The following RLF variants were observed in gnomAD, a reference collection of about 807,000 sequenced individuals.
RLF encodes the protein zinc finger protein Rlf.
In RLF, 7 loss-of-function variants were observed where a neutral mutation model predicts 162.9. The ratio of observed to expected loss-of-function variants is 0.04; its 90% CI spans 0.02 to 0.08. The LOEUF (loss-of-function observed/expected upper bound fraction) is 0.08, where lower values mean the gene tolerates loss of function less well. Among genes scored for constraint, RLF ranks in the 10% least tolerant of loss-of-function variants. The probability of loss-of-function intolerance (pLI) is 1.00; values close to 1 mark genes in which losing one functional copy is unlikely to be tolerated. For missense variants in RLF, 1,664 were observed against 2,244.7 expected, an observed-to-expected ratio of 0.74 and a Z score of 5.23; for synonymous variants, 782 against 791.5, an observed-to-expected ratio of 0.99 and a Z score of 0.20.
chr1:40,191,050 C>T (rs1642550541), intron 3 of RLF, among the ~76,000 whole-genome samples, 197 bp downstream of exon 3: 1 of 152,202 alleles, frequency 6.6e-6, no homozygotes, highest in African/African-American at 2.4e-5. Flanking sequence ...TTGTTTGCCT[C>T]TACATAGTTA....
At chr1:40,169,584 CCGCAG>C (rs1642212452) in intron 1 of RLF, among the ~76,000 whole-genome samples, 3 of 142,156 alleles carry the variant, frequency 2.1e-5, no homozygotes, top group East Asian at 4.2e-4. Context: ...CCACTGCAGT[CCGCAG>C]TCCAGCCTGG....
intron 1 of RLF, among the ~76,000 whole-genome samples, chr1:40,166,827 G>A (rs1481070799): frequency 1.6e-5 from 2 of 126,854 alleles, no homozygotes; most frequent in African/African-American, 2.9e-5. Flanking sequence ...ACGCAGGGTG[G>A]GGAACATCAC....
intron 1 of RLF, among the ~76,000 whole-genome samples, chr1:40,179,287 T>C (rs1260670405): frequency 6.6e-6 from 1 of 152,226 alleles, no homozygotes; most frequent in Admixed American, 6.5e-5. Flanking sequence ...ATGCCTGTTA[T>C]TTCCCTCTGT....
intron 4 of RLF, among the ~76,000 whole-genome samples, chr1:40,197,583 T>G (rs556127300): frequency 6.6e-6 from 1 of 152,368 alleles, no homozygotes; most frequent in African/African-American, 2.4e-5. Context: ...TAACAGTAAT[T>G]AATCATTTTT....
At chr1:40,178,260 G>A (rs1198730197) in intron 1 of RLF, among the ~76,000 whole-genome samples, 1 of 151,904 alleles carries the variant, frequency 6.6e-6, no homozygotes, top group Non-Finnish European at 1.5e-5. Flanking sequence ...ATTCTATTCT[G>A]TTTCATTGAT....
chr1:40,182,333 C>G (rs1466048575), intron 1 of RLF, among the ~76,000 whole-genome samples: 5 of 152,120 alleles, frequency 3.3e-5, no homozygotes, highest in Non-Finnish European at 7.4e-5. Flanking sequence ...ACTTAGGAGG[C>G]TGAGGCAGGA....
At chr1:40,227,772 G>A (rs1478434087) in intron 6 of RLF, among the ~76,000 whole-genome samples, 1 of 152,052 alleles carries the variant, frequency 6.6e-6, no homozygotes, top group Non-Finnish European at 1.5e-5. Context: ...TGGGAGGCCA[G>A]GGCAGGTGGA....
rs1642732816 is a variant in RLF, at chr1:40,202,618, A to G, written c.810+4A>G. On this transcript the variant is annotated splice_donor_region_variant and intron_variant, in intron 5 of 7. Transcript: ENST00000372771. Reference sequence around the variant, plus strand: ...TAATGAAGATGCTATTAAGGAGGTGAGTAAATAATTGTTGTCATTCAAACT... The same window carrying G: ...TAATGAAGATGCTATTAAGGAGGTGGGTAAATAATTGTTGTCATTCAAACT... 2 of 1,473,740 alleles carry G rather than the reference A, an allele frequency of 1.4e-6. No homozygotes were observed. The highest frequency in any genetic ancestry group is 1.8e-6 in the Non-Finnish European group (2 of 1,102,604). 91.3% of individuals were successfully genotyped at this position (1,473,740 alleles called of 1,614,324 possible).
At position 40,240,542 on chromosome 1, in the gene RLF, G is replaced by A; in HGVS notation, c.*95G>A. 1.2e-6 allele frequency: 1 copy of A among 853,424 alleles called. No individual in the cohort carries two copies. Among genetic ancestry groups the A allele is most frequent in the Non-Finnish European group, 1.9e-6 (1 of 530,900 alleles). 52.9% of individuals were successfully genotyped at this position (853,424 alleles called of 1,614,324 possible). A position where few individuals can be genotyped will look rare whatever the true frequency, so the allele number is the denominator to read the frequency against. On this transcript the variant is annotated 3_prime_UTR_variant, in exon 8 of 8. Transcript: ENST00000372771. ...AAGGCTGAGAAGCAGCCACACCGTT[G>A]TTTAGGGTAGAATAGGCTGTGTATT...
intron 5 of RLF, among the ~76,000 whole-genome samples, chr1:40,215,771 T>C (rs546342921): frequency 6.6e-6 from 1 of 152,058 alleles, no homozygotes; most frequent in African/African-American, 2.4e-5. Context: ...AGATGAATGA[T>C]GAAACACAAC....
rs1173437530 is a variant in RLF, at chr1:40,204,746, A to G, written c.810+2132A>G. Reference sequence around the variant, plus strand: ...CAGCCTATATTTCTTTAGCCCATTCATTCTCCCACTCTTAGATAGTTGCAT... The same window carrying G: ...CAGCCTATATTTCTTTAGCCCATTCGTTCTCCCACTCTTAGATAGTTGCAT... On this transcript the variant is annotated intron_variant, in intron 5 of 7. Transcript: ENST00000372771. Among the ~76,000 whole-genome samples, 4 of 151,838 alleles carry G rather than the reference A, an allele frequency of 2.6e-5. No individual in the cohort carries two copies. The South Asian group carries it at 8.3e-4, about 32-fold the overall frequency.
rs1215557965 is a variant in RLF, at chr1:40,170,285, G to A, written c.237+8649G>A. 3.3e-5 allele frequency among the ~76,000 whole-genome samples: 5 copies of A among 151,664 alleles called. 1 individual carries two copies. The highest frequency in any genetic ancestry group is 3.3e-4 in the Admixed American group (5 of 15,226). On this transcript the variant is annotated intron_variant, in intron 1 of 7. Transcript: ENST00000372771. ...TGGTTTTTTTTTGAGACAGGGTCTT[G>A]CTGTGTCGCTCAGGCTGGAGTGCGG...
rs1427339284 is a variant in RLF at position 40,236,911 on chromosome 1, T to C, written c.2209T>C (p.Cys737Arg). The change falls in exon 8 of 8, where the codon TGT becomes CGT. Residue 737 changes from cysteine to arginine, a missense_variant. Transcript: ENST00000372771. This position sits in a 1 kb window ranked among gnomAD's most constrained non-coding sequence, Gnocchi z 7.7. ...FHLREHEQVH[C>R]GPQPYMCVSI... is the part of the protein sequence containing the mutation. Reference sequence around the variant, plus strand: ...CCTTCGAGAGCACGAACAAGTGCATTGTGGGCCTCAGCCTTATATGTGTGT... The same window carrying C: ...CCTTCGAGAGCACGAACAAGTGCATCGTGGGCCTCAGCCTTATATGTGTGT... 1 of 1,614,214 alleles carries C rather than the reference T, an allele frequency of 6.2e-7. No homozygotes were observed. The highest frequency in any genetic ancestry group is 8.5e-7 in the Non-Finnish European group (1 of 1,180,032).
chr1:40,172,938 G>A (rs1642265207), intron 1 of RLF, among the ~76,000 whole-genome samples: 2 of 152,112 alleles, frequency 1.3e-5, no homozygotes, highest in African/African-American at 2.4e-5. Context: ...ATGTACTTCC[G>A]CCAATAGTGT....
chr1:40,187,252 G>A (rs533259950), intron 1 of RLF, among the ~76,000 whole-genome samples: 161 of 152,186 alleles, frequency 1.1e-3, no homozygotes, highest in African/African-American at 3.8e-3. Context: ...GGATGGTCTC[G>A]ATCTCTTGAC....
At position 40,161,923 on chromosome 1, in the gene RLF, G is replaced by T. The variant is rs1642092621; in HGVS notation, c.237+287G>T. Among the ~76,000 whole-genome samples the T allele has an allele frequency of 6.6e-6, 1 of 152,188 alleles. No individual in the cohort carries two copies. Among genetic ancestry groups the T allele is most frequent in the Non-Finnish European group, 1.5e-5 (1 of 68,024 alleles). On this transcript the variant is annotated intron_variant, in intron 1 of 7. Coordinates refer to ENST00000372771, the MANE Select transcript of RLF (RefSeq NM_012421.4). This position sits in a 1 kb window ranked among gnomAD's most constrained non-coding sequence, Gnocchi z 4.4. ...GCCCTGTCGCCGTTGCCTGTGTCCT[G>T]GCCGGGTGGTTGGAGCGCCACTGCC... is the stretch of plus-strand genomic sequence containing the variant.
At chr1:40,166,249 A>G (rs994082801) in intron 1 of RLF, among the ~76,000 whole-genome samples, 4 of 152,072 alleles carry the variant, frequency 2.6e-5, no homozygotes, top group African/African-American at 7.2e-5. Flanking sequence ...TAGGGACTTC[A>G]TGATACACAC....
chr1:40,165,566 G>C (rs2124522027), intron 1 of RLF, among the ~76,000 whole-genome samples: 1 of 151,926 alleles, frequency 6.6e-6, no homozygotes, highest in Non-Finnish European at 1.5e-5. Flanking sequence ...CCTCTTATTT[G>C]TTTGGGATTT....
chr1:40,183,635 T>C (rs1642435355), intron 1 of RLF, among the ~76,000 whole-genome samples: 1 of 152,130 alleles, frequency 6.6e-6, no homozygotes, highest in Non-Finnish European at 1.5e-5. Context: ...GAAAGCGTGG[T>C]GATTAAGTGT....
Sources: allele counts gnomAD v4.1 joint callset (sites outside exome capture counted in the v4.1 genomes callset), GRCh38; gene constraint gnomAD v4.1.1; non-coding constraint Gnocchi (gnomAD v3.1); transcripts MANE v1.5; gene names NCBI Gene and HGNC (gene_info 2026-07-23, HGNC 2026-07-21).